Variants in HMGXB3 observed in about 807,000 individuals in gnomAD.
The protein encoded by HMGXB3 is HMG-box containing 3.
Under a neutral mutation model 121.5 loss-of-function variants are expected in HMGXB3, and 45 were observed. The observed-to-expected ratio is 0.37, with a 90% confidence interval of 0.29 to 0.47. The LOEUF (loss-of-function observed/expected upper bound fraction) is 0.47. Among genes scored for constraint, HMGXB3 ranks in the 20% least tolerant of loss-of-function variants. The probability of loss-of-function intolerance (pLI) is 0.99; values close to 1 mark genes in which losing one functional copy is unlikely to be tolerated. For missense variants in HMGXB3, 1,376 were observed against 1,602.2 expected (o/e 0.86, Z 2.41); for synonymous variants, 590 against 624.1 (o/e 0.95, Z 0.81).
chr5:150,052,163 G>A lies in HMGXB3; in HGVS notation c.3850G>A (p.Glu1284Lys). The A allele has an allele frequency of 6.5e-7, 1 of 1,547,528 alleles. No homozygotes were observed. Among genetic ancestry groups the A allele is most frequent in the Non-Finnish European group, 8.7e-7 (1 of 1,144,164 alleles). ...GACAGAGACAGAGGAGGAGGGTGAG[G>A]AAGAGGAGGTGGCCGCAGTGGCAGA... ...IKTETEEEGE[E>K]EEVAAVAE Residue 1284 changes from glutamate to lysine, a missense_variant, in exon 20 of 20, where the codon GAA (glutamate) becomes AAA (lysine). Physicochemically the swap from Glu to Lys is moderately conservative, Grantham distance 56. Coordinates refer to ENST00000502717, the MANE Select transcript of HMGXB3 (RefSeq NM_014983.3).
At chr5:150,028,808 C>T (rs974869544) in intron 9 of HMGXB3, among the ~76,000 whole-genome samples, 1 of 151,546 alleles carries the variant, frequency 6.6e-6, no homozygotes, top group African/African-American at 2.4e-5. Context: ...TGGCCTTAAG[C>T]GATCCTCTTC....
chr5:150,028,497 ATGTATGTATGTGTGTGTG>A, intron 9 of HMGXB3, among the ~76,000 whole-genome samples: 1 of 66,458 alleles, frequency 1.5e-5, no homozygotes, highest in Middle Eastern at 5.4e-3. Context: ...ATGTATATAT[ATGTATGTATGTGTGTGTG>A]TGTGTGTGTG....
intron 2 of HMGXB3, among the ~76,000 whole-genome samples, chr5:150,005,511 A>C (rs1348117475): frequency 1.3e-5 from 2 of 151,736 alleles, no homozygotes; most frequent in African/African-American, 4.9e-5. Context: ...AGGCAAGAGA[A>C]TCACTTGAAT....
At chr5:150,023,537 C>T (rs10068365) in intron 6 of HMGXB3, among the ~76,000 whole-genome samples, 36,656 of 152,066 alleles carry the variant, frequency 0.24, 7,010 homozygotes, top group African/African-American at 0.52. Context: ...TTTTTAAAAG[C>T]GTATGTGTGT....
In HMGXB3 at chr5:150,024,447, A is replaced by G. The variant is rs965746851; in HGVS notation, c.1227A>G (p.Val409=). 1.3e-6 allele frequency: 2 copies of G among 1,551,694 alleles called. No homozygotes were observed. Among genetic ancestry groups the G allele is most frequent in the Non-Finnish European group, 1.7e-6 (2 of 1,146,938 alleles). ...QLLNVAPPRE[V]GEESEWEEVI... Reference sequence around the variant, plus strand: ...TGAACGTAGCTCCTCCCAGAGAAGTAGGTGAGGAGAGTGAGTGGGAGGAAG... The same window carrying G: ...TGAACGTAGCTCCTCCCAGAGAAGTGGGTGAGGAGAGTGAGTGGGAGGAAG... Residue 409 remains valine, a synonymous_variant, in exon 7 of 20, where the codon GTA becomes GTG. Transcript: ENST00000502717.
intron 5 of HMGXB3, among the ~76,000 whole-genome samples, chr5:150,017,211 T>C (rs1755979075): frequency 6.6e-6 from 1 of 152,232 alleles, no homozygotes; most frequent in Admixed American, 6.5e-5. Flanking sequence ...TACTTAACAA[T>C]GTTAAGAATT....
chr5:150,001,448 A>G lies in HMGXB3; in HGVS notation c.-3+269A>G, dbSNP rs77969798. Among the ~76,000 whole-genome samples, 419 of 152,342 alleles carry G rather than the reference A, an allele frequency of 2.8e-3. 3 individuals carry two copies. The highest frequency in any genetic ancestry group is 9.2e-3 in the African/African-American group (382 of 41,592). On this transcript the variant is annotated intron_variant, in intron 1 of 19. Coordinates refer to ENST00000502717, the MANE Select transcript of HMGXB3 (RefSeq NM_014983.3). ...ACTGTGGCCCATGGCTGAGCCCTCA[A>G]AGGCAATCTCGTGAGATTCCAAGGA...
At chr5:150,031,334 A>G (rs1417900379) in intron 10 of HMGXB3, among the ~76,000 whole-genome samples, 2 of 152,256 alleles carry the variant, frequency 1.3e-5, no homozygotes, top group Non-Finnish European at 2.9e-5. Flanking sequence ...CATAACACAT[A>G]TTAACGTCCT....
intron 3 of HMGXB3, among the ~76,000 whole-genome samples, chr5:150,009,642 A>C (rs1419738513): frequency 6.6e-6 from 1 of 152,118 alleles, no homozygotes; most frequent in African/African-American, 2.4e-5. Context: ...TTGGGTTTTT[A>C]TTGAGCGTTA....
At chr5:150,014,161 C>T (rs371181078) in intron 5 of HMGXB3, among the ~76,000 whole-genome samples, 3 of 152,230 alleles carry the variant, frequency 2.0e-5, no homozygotes, top group Non-Finnish European at 2.9e-5. Context: ...GCTGCTCCCT[C>T]TACTAACGGA....
At chr5:150,042,102 C>T (rs1561883091) in intron 15 of HMGXB3, 133 bp downstream of exon 15, 1 of 615,894 alleles carries the variant, frequency 1.6e-6, no homozygotes, top group Non-Finnish European at 2.7e-6. Flanking sequence ...TTTCCTCCCA[C>T]AGCCCAAGAT....
intron 18 of HMGXB3, 140 bp from the exon 19 acceptor site, chr5:150,050,112 C>A (rs933937833): frequency 7.0e-6 from 5 of 709,242 alleles, no homozygotes; most frequent in Non-Finnish European, 1.2e-5. Flanking sequence ...AGCAGCATGC[C>A]ATGGGCTCTG....
chr5:150,026,648 C>T lies in HMGXB3; in HGVS notation c.1461-58C>T, dbSNP rs1756237058. 2.1e-6 allele frequency: 3 copies of T among 1,446,752 alleles called. No homozygotes were observed. In the Admixed American group the frequency reaches 6.4e-5, roughly 31 times the overall value. 89.6% of individuals were successfully genotyped at this position (1,446,752 alleles called of 1,614,324 possible). On this transcript the variant is annotated intron_variant, in intron 7 of 19. Coordinates refer to ENST00000502717, the MANE Select transcript of HMGXB3 (RefSeq NM_014983.3). ...AAGAAAGCACTATGTAGAGATTGCG[C>T]TTTGGTTTTCTTCCCTTTGTTCCAG...
intron 17 of HMGXB3, among the ~76,000 whole-genome samples, 171 bp from the exon 18 acceptor site, chr5:150,048,398 G>A (rs1483887444): frequency 9.6e-6 from 1 of 104,198 alleles, no homozygotes; most frequent in Non-Finnish European, 1.7e-5. Flanking sequence ...CAGGGCCTCC[G>A]ATTGCTTACC....
chr5:150,032,116 T>C (rs1456472639), intron 10 of HMGXB3, among the ~76,000 whole-genome samples: 5 of 152,192 alleles, frequency 3.3e-5, no homozygotes, highest in Admixed American at 2.6e-4. Flanking sequence ...TTGAACTCTT[T>C]AGTTCACCAG....
Position 150,045,493 on chromosome 5 carries a change from A to G in HMGXB3, c.2758A>G (p.Asn920Asp). The change falls in exon 16 of 20, where the codon AAT (asparagine) becomes GAT (aspartate). Residue 920 changes from asparagine to aspartate, a missense_variant. Physicochemically the swap from Asn to Asp is conservative, Grantham distance 23. Around this residue, in one of 2 missense-constraint regions of HMGXB3, gnomAD observed 1,116 missense variants for 1,369.0 expected, o/e 0.82. Coordinates refer to ENST00000502717, the MANE Select transcript of HMGXB3 (RefSeq NM_014983.3). ...CACCTGGCCTGAATTCCTGGGCTCT[A>G]ATGAGGTAAATGTGGAGGACTTTTG... The part of the protein sequence containing the change: ...EFTWPEFLGS[N>D]EVNVEDFWAT... 6.4e-7 allele frequency: 1 copy of G among 1,552,242 alleles called. No individual in the cohort carries two copies. The highest frequency in any genetic ancestry group is 1.2e-5 in the South Asian group (1 of 84,060).
intron 15 of HMGXB3, among the ~76,000 whole-genome samples, chr5:150,044,398 CAG>C (rs948684278): frequency 4.6e-5 from 7 of 152,258 alleles, no homozygotes; most frequent in African/African-American, 1.7e-4. Context: ...GCCATTTACA[CAG>C]AGCATGCACT....
chr5:150,043,297 G>T (rs1756680124), intron 15 of HMGXB3, among the ~76,000 whole-genome samples: 1 of 149,268 alleles, frequency 6.7e-6, no homozygotes, highest in African/African-American at 2.6e-5. Context: ...ATGCTATGAG[G>T]TCTGGTCTAC....
intron 17 of HMGXB3, 80 bp from the exon 18 acceptor site, chr5:150,048,489 G>A (rs1756813307): frequency 4.2e-6 from 4 of 955,428 alleles, no homozygotes; most frequent in Non-Finnish European, 6.6e-6. Context: ...TTGGGTGTTG[G>A]GTGAGTGTGT....
Sources: gnomAD v4.1 joint callset for allele counts (sites outside exome capture counted in the v4.1 genomes callset) on GRCh38, gnomAD v4.1.1 for gene constraint, gnomAD v4.1.1 regional missense constraint, MANE v1.5 for transcripts, NCBI Gene and HGNC (gene_info 2026-07-23, HGNC 2026-07-21) for gene names.